ZNF335: variants seen among roughly 807,000 people sequenced by gnomAD.
ZNF335 encodes NRC-interacting factor 1.
ZNF335 carries 84 observed loss-of-function variants against 145.6 expected under a neutral mutation model. The observed-to-expected ratio is 0.58, with a 90% CI of 0.48 to 0.69. The LOEUF (loss-of-function observed/expected upper bound fraction) is 0.69. ZNF335 is among the 30% of genes least tolerant of loss of function. The pLI, the probability that ZNF335 is intolerant of heterozygous loss-of-function variation, is 0.00. For synonymous variants in ZNF335, 761 were observed against 717.0 expected (o/e 1.06, Z -0.98); for missense variants, 1,865 against 1,809.7 (o/e 1.03, Z -0.55).
Position 45,968,466 on chromosome 20 carries a change from C to T in ZNF335, c.443-104G>A. 5 of 1,034,118 alleles carry T rather than the reference C, an allele frequency of 4.8e-6. No individual in the cohort carries two copies. The South Asian group carries it at 5.7e-5, about 12-fold the overall frequency. 64.1% of individuals were successfully genotyped at this position (1,034,118 alleles called of 1,614,324 possible). On this transcript the variant is annotated intron_variant, in intron 3 of 27. Transcript: ENST00000322927. The stretch of plus-strand genomic sequence containing the variant: ...GGCCTGTGAGCAGGGCTGGTCCACA[C>T]TCATTCTGGCTCCCATGTGCGACTG...
intron 10 of ZNF335, chr20:45,961,854 A>G: frequency 2.0e-6 from 1 of 493,422 alleles, no homozygotes; most frequent in Non-Finnish European, 3.7e-6. Context: ...CACAAGAGGT[A>G]AGAGGCTGAG....
intron 6 of ZNF335, among the ~76,000 whole-genome samples, chr20:45,966,511 C>G (rs1018851680): frequency 2.0e-5 from 3 of 151,482 alleles, no homozygotes; most frequent in African/African-American, 7.3e-5. Flanking sequence ...AGTTTGAGAC[C>G]AGCCTGGGCA....
Position 45,957,675 on chromosome 20 carries a change from C to G in ZNF335, c.2353G>C (p.Glu785Gln). ...GATIIYQQGAEESTAMATQTA... is the reference protein window; with the variant it reads ...GATIIYQQGAQESTAMATQTA... ...TGCGTGGCCATCGCTGTCGACTCCTCAGCTCCTGGGTGGGGTGGGACCTAA... is the reference window on the plus strand; with the variant it reads ...TGCGTGGCCATCGCTGTCGACTCCTGAGCTCCTGGGTGGGGTGGGACCTAA... The change falls in exon 17 of 28, where the codon GAG (glutamate) becomes CAG (glutamine). Residue 785 changes from glutamate (E) to glutamine (Q), a missense_variant. Physicochemically the swap from Glu to Gln is conservative, Grantham distance 29 (BLOSUM62 2). Transcript: ENST00000322927. 1 of 1,614,146 alleles carries G rather than the reference C, an allele frequency of 6.2e-7. No homozygotes were observed. The highest frequency in any genetic ancestry group is 8.5e-7 in the Non-Finnish European group (1 of 1,180,016).
Position 45,952,172 on chromosome 20 carries a change from C to G in ZNF335, c.3164G>C (p.Ser1055Thr). The G allele has an allele frequency of 1.2e-6, 2 of 1,608,124 alleles. No homozygotes were observed. The highest frequency in any genetic ancestry group is 8.5e-7 in the Non-Finnish European group (1 of 1,176,574). Reference protein sequence around the residue: ...GAFKCPDCPFSARQWPEVRAH... With the variant: ...GAFKCPDCPFTARQWPEVRAH... ...CCGGACCTCGGGCCACTGGCGGGCA[C>G]TGAAGGGGCAGTCGGGGCACTTGAA... Residue 1055 changes from serine (S) to threonine (T), a missense_variant, in exon 20 of 28, where the codon AGT becomes ACT. Ser to Thr is a moderately conservative substitution (Grantham distance 58, BLOSUM62 1). Coordinates refer to ENST00000322927, the MANE Select transcript of ZNF335 (RefSeq NM_022095.4).
At chr20:45,952,766 C>T in intron 18 of ZNF335, 57 bp from the exon 19 acceptor site, 4 of 1,530,068 alleles carry the variant, frequency 2.6e-6, no homozygotes, top group Middle Eastern at 1.7e-4. Flanking sequence ...GCCCCCTTCC[C>T]CAAGCAACAG....
At chr20:45,952,557 G>A in intron 19 of ZNF335, 36 bp from the exon 20 acceptor site, 2 of 1,610,600 alleles carry the variant, frequency 1.2e-6, no homozygotes, top group Non-Finnish European at 8.5e-7. Context: ...TACTGAGAAG[G>A]GGAGGGAGGT....
intron 13 of ZNF335, 26 bp downstream of exon 13, chr20:45,960,423 C>T: frequency 1.9e-6 from 3 of 1,614,176 alleles, no homozygotes; most frequent in Non-Finnish European, 2.5e-6. Context: ...CTGCTCCCGT[C>T]CCCAGGGGCC....
chr20:45,967,688 C>T lies in ZNF335; in HGVS notation c.814+46G>A, dbSNP rs76907877. On this transcript the variant is annotated intron_variant, in intron 5 of 27. Coordinates refer to ENST00000322927, the MANE Select transcript of ZNF335 (RefSeq NM_022095.4). ...TTGCCATGTCTGGCTCCCAGCACCC[C>T]ACCCCTACCCATGCAGTCCAAGCAG... The T allele has an allele frequency of 0.017, 27,412 of 1,609,152 alleles. 556 individuals carry two copies. Among genetic ancestry groups the T allele is most frequent in the African/African-American group, 0.084 (6,293 of 74,952 alleles).
intron 6 of ZNF335, among the ~76,000 whole-genome samples, chr20:45,966,296 T>C (rs2083951576): frequency 6.6e-6 from 1 of 151,924 alleles, no homozygotes; most frequent in South Asian, 2.1e-4. Flanking sequence ...GCCAGGATGG[T>C]CTCGATCTCC....
chr20:45,968,681 A>C, intron 3 of ZNF335: 1 of 333,870 alleles, frequency 3.0e-6, no homozygotes, highest in Non-Finnish European at 5.6e-6. Flanking sequence ...AAAGTAAAGG[A>C]CCAGCTCCTG....
intron 12 of ZNF335, 24 bp from the exon 13 acceptor site, chr20:45,960,549 G>A (rs778862513): frequency 2.5e-6 from 4 of 1,614,048 alleles, no homozygotes; most frequent in South Asian, 2.2e-5. Flanking sequence ...AGAGCAGTGA[G>A]ATGGCGATCA....
chr20:45,949,406 G>A lies in ZNF335; in HGVS notation c.3754-8C>T, dbSNP rs928931258. On this transcript the variant is annotated splice_region_variant and splice_polypyrimidine_tract_variant and intron_variant, in intron 25 of 27. Transcript: ENST00000322927. ...GATCTGGCCCTCCTGTACCTGCAGA[G>A]AGGAAGCCAAGCTGTGATCCTAGGG... 9 of 1,614,150 alleles carry A rather than the reference G, an allele frequency of 5.6e-6. No individual in the cohort carries two copies. The highest frequency in any genetic ancestry group is 7.6e-6 in the Non-Finnish European group (9 of 1,180,016).
chr20:45,968,063 T>G, intron 4 of ZNF335, 36 bp from the exon 5 acceptor site: 1 of 1,611,018 alleles, frequency 6.2e-7, no homozygotes, highest in Non-Finnish European at 8.5e-7. Context: ...GGTGGTTAAA[T>G]GGAGGGCAGC....
At chr20:45,955,063 G>A (rs1192094466) in intron 17 of ZNF335, among the ~76,000 whole-genome samples, 3 of 151,914 alleles carry the variant, frequency 2.0e-5, no homozygotes, top group Admixed American at 6.6e-5. Context: ...GATTTATAAC[G>A]ACTGAGGCCG....
chr20:45,966,447 C>T (rs1297225603), intron 6 of ZNF335, among the ~76,000 whole-genome samples: 1 of 151,966 alleles, frequency 6.6e-6, no homozygotes, highest in East Asian at 1.9e-4. Context: ...GCCGCTCACA[C>T]CTGTAATCCC....
At chr20:45,956,478 T>C (rs886348274) in intron 17 of ZNF335, among the ~76,000 whole-genome samples, 3 of 152,208 alleles carry the variant, frequency 2.0e-5, no homozygotes, top group African/African-American at 7.2e-5. Flanking sequence ...TCCAGCCACC[T>C]TGGCGTCCCA....
In ZNF335 at chr20:45,949,180, T is replaced by C. The variant is rs749953783; in HGVS notation, c.3891A>G (p.Ser1297=). 6.2e-7 allele frequency: 1 copy of C among 1,613,760 alleles called. No individual in the cohort carries two copies. The highest frequency in any genetic ancestry group is 8.5e-7 in the Non-Finnish European group (1 of 1,179,972). ...TQAQLEAAAH[S]AVTAVADAAM... is the part of the protein sequence containing the mutation. ...GATCCAGCTCCATACCTGTGACAGC[T>C]GAGTGTGCTGCAGCCTCAAGTTGAG... Residue 1297 remains serine (S), a synonymous_variant, in exon 27 of 28, where the codon TCA becomes TCG. Coordinates refer to ENST00000322927, the MANE Select transcript of ZNF335 (RefSeq NM_022095.4).
Position 45,960,230 on chromosome 20 carries a change from G to A in ZNF335, c.1998C>T (p.Ser666=). 1 of 1,614,126 alleles carries A rather than the reference G, an allele frequency of 6.2e-7. No individual in the cohort carries two copies. Among genetic ancestry groups the A allele is most frequent in the Non-Finnish European group, 8.5e-7 (1 of 1,180,018 alleles). The change falls in exon 14 of 28, where the codon TCC becomes TCT. Residue 666 remains serine, a synonymous_variant. Transcript: ENST00000322927. ...GACCTGTGTGCTTGACAGCCACATG[G>A]GACAGCAAGAAGTCCTCTCGGAAGG... ...YRTFREDFLL[S]HVAVKHTGAK...
At chr20:45,967,286 A>G in intron 6 of ZNF335, 1 of 669,064 alleles carries the variant, frequency 1.5e-6, no homozygotes, top group East Asian at 2.8e-5. Context: ...AAATGTGAAC[A>G]GGGCCCCCTG....
Sources: gnomAD v4.1 joint callset for allele counts (sites outside exome capture counted in the v4.1 genomes callset) on GRCh38, gnomAD v4.1.1 for gene constraint, MANE v1.5 for transcripts, NCBI Gene and HGNC (gene_info 2026-07-23, HGNC 2026-07-21) for gene names.